The following TMEM132D variants were observed in gnomAD, a reference collection of about 807,000 sequenced individuals.
TMEM132D encodes transmembrane protein 132D, also known as mature OL transmembrane protein.
A neutral mutation model predicts 62.3 loss-of-function variants in TMEM132D; 21 were observed. The ratio of observed to expected loss-of-function variants is 0.34; its 90% CI spans 0.24 to 0.49. TMEM132D has a LOEUF of 0.49. Ranked by LOEUF, TMEM132D falls within the 20% of genes least tolerant of loss-of-function variation. TMEM132D has a pLI of 0.99. For synonymous variants in TMEM132D, 621 were observed against 575.6 expected, an observed-to-expected ratio of 1.08 and a Z score of -1.13; for missense variants, 1,346 against 1,402.8, an observed-to-expected ratio of 0.96 and a Z score of 0.65.
At chr12:129,882,195 A>T (rs1874617347) in intron 1 of TMEM132D, among the ~76,000 whole-genome samples, 1 of 152,092 alleles carries the variant, frequency 6.6e-6, no homozygotes. Context: ...TAAACCAAAC[A>T]TTTAAAGAAG....
intron 1 of TMEM132D, among the ~76,000 whole-genome samples, chr12:129,803,474 A>T (rs1452520910): frequency 6.6e-6 from 1 of 152,068 alleles, no homozygotes; most frequent in Non-Finnish European, 1.5e-5. Context: ...AGAAATAAAG[A>T]TGTTCTTTGA....
chr12:129,550,146 A>G, intron 2 of TMEM132D, among the ~76,000 whole-genome samples: 1 of 152,222 alleles, frequency 6.6e-6, no homozygotes, highest in East Asian at 1.9e-4. Flanking sequence ...GAACAGAGAT[A>G]ATTTTCCAGA....
At chr12:129,372,187 C>T (rs1296335058) in intron 3 of TMEM132D, among the ~76,000 whole-genome samples, 1 of 152,216 alleles carries the variant, frequency 6.6e-6, no homozygotes, top group Non-Finnish European at 1.5e-5. Context: ...AAGGAAGTAG[C>T]TCTGCCAACA....
At chr12:129,119,021 A>G (rs1875980143) in intron 5 of TMEM132D, among the ~76,000 whole-genome samples, 1 of 152,194 alleles carries the variant, frequency 6.6e-6, no homozygotes, top group African/African-American at 2.4e-5. Flanking sequence ...TTCTCAAGAG[A>G]GGGGCAATGA....
intron 1 of TMEM132D, among the ~76,000 whole-genome samples, chr12:129,809,495 G>T (rs936636048): frequency 6.6e-6 from 1 of 151,924 alleles, no homozygotes; most frequent in Non-Finnish European, 1.5e-5. Flanking sequence ...GACTGTCTGG[G>T]CTGGAAGGTA....
chr12:129,643,027 G>A (rs1165631639), intron 2 of TMEM132D, among the ~76,000 whole-genome samples: 1 of 146,512 alleles, frequency 6.8e-6, no homozygotes, highest in Admixed American at 7.1e-5. Context: ...CAGGTTCAAG[G>A]GATTCTCCCG....
chr12:129,529,671 G>C (rs1876158556), intron 3 of TMEM132D, among the ~76,000 whole-genome samples: 1 of 152,098 alleles, frequency 6.6e-6, no homozygotes, highest in African/African-American at 2.4e-5. Context: ...ATTTTCTTCT[G>C]ATAAAGAATA....
intron 1 of TMEM132D, among the ~76,000 whole-genome samples, chr12:129,711,728 CAAAA>C (rs1333520514): frequency 4.4e-5 from 2 of 45,424 alleles, no homozygotes; most frequent in Non-Finnish European, 6.9e-5. Context: ...ATTCCATCTC[CAAAA>C]AAAAAAAAAA....
At chr12:129,714,853 G>A (rs528003697) in intron 1 of TMEM132D, among the ~76,000 whole-genome samples, 4 of 152,244 alleles carry the variant, frequency 2.6e-5, no homozygotes, top group East Asian at 1.9e-4. Context: ...TCACCAATGC[G>A]GAATCTCCCT....
intron 5 of TMEM132D, among the ~76,000 whole-genome samples, chr12:129,187,328 A>G (rs566854984): frequency 3.9e-4 from 60 of 152,318 alleles, no homozygotes; most frequent in African/African-American, 1.2e-3. Context: ...TATTTGTTAC[A>G]GAAGCAAGCC....
chr12:129,081,980 AGCC>A lies in TMEM132D; in HGVS notation c.1699_1701del (p.Gly567del). ...ATGGCGTGCTGGTACTGCAGGGTGC[AGCC>A]GCGGCCCCTCCGCTCATCATCCTCC... On this transcript the variant is annotated inframe_deletion, in exon 7 of 9. Transcript: ENST00000422113. 1 of 1,613,372 alleles carries A rather than the reference AGCC, an allele frequency of 6.2e-7. No individual in the cohort carries two copies. The highest frequency in any genetic ancestry group is 1.7e-4 in the Middle Eastern group (1 of 6,046).
intron 3 of TMEM132D, among the ~76,000 whole-genome samples, chr12:129,358,955 GC>G (rs1870160803): frequency 1.0e-5 from 1 of 97,974 alleles, no homozygotes; most frequent in South Asian, 3.2e-4. Context: ...GAAATTTCAA[GC>G]TTTTTTTTTT....
chr12:129,466,431 G>A (rs994233622), intron 3 of TMEM132D, among the ~76,000 whole-genome samples: 3 of 150,976 alleles, frequency 2.0e-5, no homozygotes, highest in African/African-American at 4.9e-5. Flanking sequence ...CCCCGCCCCC[G>A]TCCTAAGCCT....
At chr12:129,876,388 A>C (rs141597859) in intron 1 of TMEM132D, among the ~76,000 whole-genome samples, 5 of 152,336 alleles carry the variant, frequency 3.3e-5, no homozygotes, top group Admixed American at 2.6e-4. Flanking sequence ...CCATACCTGG[A>C]AGCTTGTTTT....
At chr12:129,489,190 G>A (rs6486476) in intron 3 of TMEM132D, among the ~76,000 whole-genome samples, 112,636 of 152,154 alleles carry the variant, frequency 0.74, 41,649 homozygotes, top group South Asian at 0.81. Context: ...CTTAAGTAAG[G>A]GATAAGGCAA....
intron 4 of TMEM132D, among the ~76,000 whole-genome samples, chr12:129,244,625 T>C (rs1053093205): frequency 1.3e-5 from 2 of 151,980 alleles, no homozygotes; most frequent in African/African-American, 4.8e-5. Flanking sequence ...GTTTTTTGTT[T>C]TATTTTTGTT....
chr12:129,734,780 GGT>G (rs1869373718), intron 1 of TMEM132D, among the ~76,000 whole-genome samples: 1 of 152,076 alleles, frequency 6.6e-6, no homozygotes, highest in African/African-American at 2.4e-5. Flanking sequence ...TGGAGAAGGT[GGT>G]TTCTTTAATC....
chr12:129,335,126 A>ACT (rs1869232007), intron 4 of TMEM132D, among the ~76,000 whole-genome samples: 1 of 100,016 alleles, frequency 1.0e-5, no homozygotes. Context: ...TCTAATAAGT[A>ACT]CTTTTTTTTT....
intron 1 of TMEM132D, among the ~76,000 whole-genome samples, chr12:129,783,732 C>G (rs908538413): frequency 6.6e-6 from 1 of 152,168 alleles, no homozygotes; most frequent in Non-Finnish European, 1.5e-5. Flanking sequence ...AAAATGAAGA[C>G]AGTGGATGGC....
Sources: gnomAD v4.1 joint callset for allele counts (sites outside exome capture counted in the v4.1 genomes callset) on GRCh38, gnomAD v4.1.1 for gene constraint, MANE v1.5 for transcripts, NCBI Gene and HGNC (gene_info 2026-07-23, HGNC 2026-07-21) for gene names.